BRCA2: variants seen among roughly 807,000 people sequenced by gnomAD.
The protein encoded by BRCA2 is breast cancer type 2 susceptibility protein.
A neutral mutation model predicts 276.7 loss-of-function variants in BRCA2; 203 were observed. The observed-to-expected ratio is 0.73, with a 90% CI of 0.65 to 0.82. The LOEUF is 0.82. BRCA2 is among the 40% of genes least tolerant of loss of function. The probability of loss-of-function intolerance (pLI) is 0.00; values close to 1 mark genes in which losing one functional copy is unlikely to be tolerated. For synonymous variants in BRCA2, 1,289 were observed against 1,338.4 expected, an observed-to-expected ratio of 0.96 and a Z score of 0.81; for missense variants, 3,920 against 3,915.0, an observed-to-expected ratio of 1.00 and a Z score of -0.03.
At chr13:32,371,376 T>A (rs1334407429) in intron 20 of BRCA2, among the ~76,000 whole-genome samples, 1 of 152,162 alleles carries the variant, frequency 6.6e-6, no homozygotes, top group Non-Finnish European at 1.5e-5. Context: ...TTAGCTTTCA[T>A]GTGTTATTAT....
rs756912276 is a variant in BRCA2 at position 32,338,160 on chromosome 13, G to T, written c.3805G>T (p.Val1269Phe). The change falls in exon 11 of 27, where the codon GTT becomes TTT. Residue 1269 changes from valine (V) to phenylalanine (F), a missense_variant. Physicochemically the swap from Val to Phe is conservative, Grantham distance 50 (BLOSUM62 -1). Around this residue, in one of 2 missense-constraint regions of BRCA2, gnomAD observed 3,263 missense variants for 3,156.9 expected, o/e 1.03. Transcript: ENST00000380152. ...ATCTTCAAGTAAATGTCATGATTCTGTTGTTTCAATGTTTAAGATAGAAAA... is the reference window on the plus strand; with the variant it reads ...ATCTTCAAGTAAATGTCATGATTCTTTTGTTTCAATGTTTAAGATAGAAAA... ...SLSSSKCHDS[V>F]VSMFKIENHN... 6.3e-7 allele frequency: 1 copy of T among 1,593,934 alleles called. No individual in the cohort carries two copies. The highest frequency in any genetic ancestry group is 8.5e-7 in the Non-Finnish European group (1 of 1,170,150).
intron 14 of BRCA2, among the ~76,000 whole-genome samples, chr13:32,355,892 T>G (rs2137560449): frequency 6.6e-6 from 1 of 151,674 alleles, no homozygotes; most frequent in Non-Finnish European, 1.5e-5. Flanking sequence ...CAAAAAGAGA[T>G]AAAAATAGTA....
rs11571748 is a variant in BRCA2 at position 32,371,492 on chromosome 13, T to C, written c.8632+392T>C. On this transcript the variant is annotated intron_variant, in intron 20 of 26. Transcript: ENST00000380152. ...ATTTTTTCGTATCTCCCTTTTGTTG[T>C]TGCTGAAGATTTTATGTTTTTCTGC... Among the ~76,000 whole-genome samples the C allele has an allele frequency of 0.012, 1,901 of 152,240 alleles. 35 individuals carry two copies. The highest frequency in any genetic ancestry group is 0.044 in the African/African-American group (1,821 of 41,534).
At chr13:32,386,242 T>A (rs1808933301) in intron 24 of BRCA2, 1 of 152,206 alleles carries the variant, frequency 6.6e-6, no homozygotes, top group Non-Finnish European at 1.5e-5. Flanking sequence ...ACCGCTTCTC[T>A]ACTAAAAATA....
rs1555283814 is a variant in BRCA2, at chr13:32,338,863, T to C, written c.4508T>C (p.Leu1503Pro). 2 of 1,613,814 alleles carry C rather than the reference T, an allele frequency of 1.2e-6. No homozygotes were observed. Among genetic ancestry groups the C allele is most frequent in the East Asian group, 2.2e-5 (1 of 44,884 alleles). Residue 1503 changes from leucine to proline, a missense_variant, in exon 11 of 27, where the codon CTA (leucine) becomes CCA (proline). Physicochemically the swap from Leu to Pro is moderately conservative, Grantham distance 98 (BLOSUM62 -3). Coordinates refer to ENST00000380152, the MANE Select transcript of BRCA2 (RefSeq NM_000059.4). ...ESVPVGTGNQ[L>P]VTFQGQPERD... is the part of the protein sequence containing the mutation. ...GTCCCAGTTGGTACTGGAAATCAAC[T>C]AGTGACCTTCCAGGGACAACCCGAA...
intron 11 of BRCA2, among the ~76,000 whole-genome samples, chr13:32,343,968 T>C (rs1465750862): frequency 2.6e-5 from 4 of 152,122 alleles, no homozygotes. Flanking sequence ...TGTTATATAT[T>C]ATCTCAGCAT....
At chr13:32,329,125 G>A (rs2072370360) in intron 7 of BRCA2, among the ~76,000 whole-genome samples, 1 of 152,130 alleles carries the variant, frequency 6.6e-6, no homozygotes, top group South Asian at 2.1e-4. Context: ...GAATGCTAAA[G>A]TCTCCAAGCT....
At chr13:32,367,729 A>C (rs1222111377) in intron 18 of BRCA2, among the ~76,000 whole-genome samples, 1 of 152,004 alleles carries the variant, frequency 6.6e-6, no homozygotes, top group Non-Finnish European at 1.5e-5. Flanking sequence ...CAGGAGGCAG[A>C]GGTTGCAGCG....
At chr13:32,344,511 AC>A in intron 11 of BRCA2, 46 bp from the exon 12 acceptor site, 1 of 1,257,710 alleles carries the variant, frequency 8.0e-7, no homozygotes, top group Non-Finnish European at 1.1e-6. Flanking sequence ...GAGAAATAAA[AC>A]TGATATTATT....
intron 6 of BRCA2, 104 bp downstream of exon 6, chr13:32,326,386 C>T: frequency 2.7e-6 from 4 of 1,461,018 alleles, no homozygotes; most frequent in Non-Finnish European, 3.8e-6. Context: ...TAGCATTCTG[C>T]CTCATACAGG....
At chr13:32,359,715 T>C (rs1593922339) in intron 16 of BRCA2, among the ~76,000 whole-genome samples, 1 of 152,300 alleles carries the variant, frequency 6.6e-6, no homozygotes, top group East Asian at 1.9e-4. Flanking sequence ...GTAAGAAAAG[T>C]TGGTTAAACG....
chr13:32,355,708 A>AAAAT (rs936530572), intron 14 of BRCA2, among the ~76,000 whole-genome samples: 250 of 151,942 alleles, frequency 1.6e-3, no homozygotes, highest in African/African-American at 4.7e-3. Flanking sequence ...CTAAAAATAC[A>AAAAT]AAATAAATAA....
In BRCA2 at chr13:32,363,370, A is replaced by T. The variant is rs41293513; in HGVS notation, c.8168A>T (p.Asp2723Val). 1 of 1,614,162 alleles carries T rather than the reference A, an allele frequency of 6.2e-7. No homozygotes were observed. Among genetic ancestry groups the T allele is most frequent in the Non-Finnish European group, 8.5e-7 (1 of 1,180,024 alleles). Reference sequence around the variant, plus strand: ...AAAGTGGCCATTATTGAACTTACAGATGGGTGGTATGCTGTTAAGGCCCAG... The same window carrying T: ...AAAGTGGCCATTATTGAACTTACAGTTGGGTGGTATGCTGTTAAGGCCCAG... The part of the protein sequence containing the change: ...TQKVAIIELT[D>V]GWYAVKAQLD... Residue 2723 changes from aspartate (D) to valine (V), a missense_variant, in exon 18 of 27, where the codon GAT (aspartate) becomes GTT (valine). Coordinates refer to ENST00000380152, the MANE Select transcript of BRCA2 (RefSeq NM_000059.4).
At chr13:32,380,492 T>C (rs1036627410) in intron 24 of BRCA2, among the ~76,000 whole-genome samples, 7 of 151,538 alleles carry the variant, frequency 4.6e-5, no homozygotes, top group Non-Finnish European at 8.8e-5. Context: ...CCATACACTC[T>C]ACTTTTCATT....
In BRCA2 at chr13:32,339,991, A is replaced by G. The variant is rs398122536; in HGVS notation, c.5636A>G (p.Glu1879Gly). The G allele has an allele frequency of 1.2e-6, 2 of 1,612,326 alleles. No individual in the cohort carries two copies. The highest frequency in any genetic ancestry group is 2.2e-5 in the East Asian group (1 of 44,856). ...AGTAAAGTAATTAAGGAAAACAACG[A>G]GAATAAATCAAAAATTTGCCAAACG... ...SFSKVIKENN[E>G]NKSKICQTKI... The change falls in exon 11 of 27, where the codon GAG becomes GGG. Residue 1879 changes from glutamate to glycine, a missense_variant. Physicochemically the swap from Glu to Gly is moderately conservative, Grantham distance 98. This residue lies in a region of BRCA2 where 3,263 missense variants were observed against 3,156.9 expected (regional missense o/e 1.03). Coordinates refer to ENST00000380152, the MANE Select transcript of BRCA2 (RefSeq NM_000059.4).
chr13:32,339,291 G>A lies in BRCA2; in HGVS notation c.4936G>A (p.Glu1646Lys), dbSNP rs886038111. 6.2e-7 allele frequency: 1 copy of A among 1,605,416 alleles called. No homozygotes were observed. The highest frequency in any genetic ancestry group is 1.1e-5 in the South Asian group (1 of 88,908). Residue 1646 changes from glutamate to lysine, a missense_variant, in exon 11 of 27, where the codon GAA (glutamate) becomes AAA (lysine). This residue lies in a region of BRCA2 where 3,263 missense variants were observed against 3,156.9 expected (regional missense o/e 1.03). Transcript: ENST00000380152. ...KVKVHENVEK[E>K]TAKSPATCYT... The stretch of plus-strand genomic sequence containing the variant: ...TAAAGTACATGAAAATGTAGAAAAA[G>A]AAACAGCAAAAAGTCCTGCAACTTG...
chr13:32,339,134 A>C lies in BRCA2; in HGVS notation c.4779A>C (p.Glu1593Asp), dbSNP rs80358703. 322 of 1,614,016 alleles carry C rather than the reference A, an allele frequency of 2.0e-4. 7 individuals are homozygous for C. The South Asian group carries it at 3.2e-3, about 16-fold the overall frequency. Reference sequence around the variant, plus strand: ...TCACAGCTGCCCCAAAGTGTAAAGAAATGCAGAATTCTCTCAATAATGATA... The same window carrying C: ...TCACAGCTGCCCCAAAGTGTAAAGACATGCAGAATTCTCTCAATAATGATA... ...IEITAAPKCK[E>D]MQNSLNNDKN... Residue 1593 changes from glutamate (E) to aspartate (D), a missense_variant, in exon 11 of 27, where the codon GAA becomes GAC. This residue lies in a region of BRCA2 where 3,263 missense variants were observed against 3,156.9 expected (regional missense o/e 1.03). Transcript: ENST00000380152.
In BRCA2 at chr13:32,379,440, C is replaced by T. The variant is rs80359140; in HGVS notation, c.8878C>T (p.Gln2960Ter). 3.1e-6 allele frequency: 5 copies of T among 1,613,440 alleles called. No individual in the cohort carries two copies. Among genetic ancestry groups the T allele is most frequent in the Non-Finnish European group, 4.2e-6 (5 of 1,179,786 alleles). The change falls in exon 22 of 27, where the codon CAA becomes TAA. Residue 2960 changes from glutamine (Q) to a stop codon, truncating the protein, a stop_gained. Transcript: ENST00000380152. LOFTEE classifies it high-confidence loss of function. ...CATGGAATCTGCTGAACAAAAGGAA[C>T]AAGGTTTATCAAGGGATGTCACAAC... ...KAMESAEQKE[Q>*]GLSRDVTTVW...
intron 3 of BRCA2, among the ~76,000 whole-genome samples, chr13:32,320,134 T>C (rs2072296764): frequency 6.6e-6 from 1 of 152,186 alleles, no homozygotes; most frequent in Non-Finnish European, 1.5e-5. Flanking sequence ...CTTTGGTTGT[T>C]TTGTGTCTGA....
Sources: allele counts gnomAD v4.1 joint callset (sites outside exome capture counted in the v4.1 genomes callset), GRCh38; gene constraint gnomAD v4.1.1; regional missense constraint gnomAD v4.1.1; transcripts MANE v1.5; gene names NCBI Gene and HGNC (gene_info 2026-07-23, HGNC 2026-07-21).